CEP44: variants seen among roughly 807,000 people sequenced by gnomAD.
CEP44 encodes the protein centrosomal protein of 44 kDa.
CEP44 carries 45 observed loss-of-function variants against 46.7 expected under a neutral mutation model. The observed-to-expected ratio is 0.96, with a 90% CI of 0.76 to 1.24. The LOEUF (loss-of-function observed/expected upper bound fraction) is 1.24. CEP44 is among the 50% of genes most tolerant of loss of function. The probability of loss-of-function intolerance (pLI) is 0.00; values close to 1 mark genes in which losing one functional copy is unlikely to be tolerated. For missense variants in CEP44, 475 were observed against 459.7 expected (o/e 1.03, Z -0.30); for synonymous variants, 142 against 146.0 (o/e 0.97, Z 0.20).
chr4:174,308,751 A>G lies in CEP44; in HGVS notation c.570A>G (p.Thr190=), dbSNP rs774911680. 2.5e-6 allele frequency: 4 copies of G among 1,613,370 alleles called. No homozygotes were observed. Among genetic ancestry groups the G allele is most frequent in the Admixed American group, 3.3e-5 (2 of 59,968 alleles). The part of the protein sequence containing the change: ...NEDNVDISED[T]LSPITDVNEA... Reference sequence around the variant, plus strand: ...ATAATGTTGACATTTCTGAGGATACATTAAGTCCAATAACAGATGTTAATG... The same window carrying G: ...ATAATGTTGACATTTCTGAGGATACGTTAAGTCCAATAACAGATGTTAATG... The change falls in exon 7 of 12, where the codon ACA becomes ACG. Residue 190 remains threonine (T), a synonymous_variant. Transcript: ENST00000503780.
intron 1 of CEP44, among the ~76,000 whole-genome samples, chr4:174,289,836 CCTT>C (rs1175236977): frequency 6.7e-6 from 1 of 150,216 alleles, no homozygotes; most frequent in Non-Finnish European, 1.5e-5. Context: ...TTTATTGAGA[CCTT>C]TTTTTTTTTT....
At position 174,320,153 on chromosome 4, in the gene CEP44, T is replaced by C. The variant is rs1742182981; in HGVS notation, c.*2770T>C. On this transcript the variant is annotated 3_prime_UTR_variant, in exon 12 of 12. Transcript: ENST00000503780. ...GAAATACTATAAAGAATACATAAGG[T>C]AAAATACTAGTCAGAAAGGGTTCAG... The C allele has an allele frequency of 5.1e-6, 5 of 984,798 alleles. No homozygotes were observed. The Admixed American group carries it at 2.5e-4, about 49-fold the overall frequency. 61.0% of individuals were successfully genotyped at this position (984,798 alleles called of 1,614,324 possible).
At chr4:174,322,727 T>C (rs925038143), downstream of CEP44, among the ~76,000 whole-genome samples, 1 of 152,204 alleles carries the variant, frequency 6.6e-6, no homozygotes, top group African/African-American at 2.4e-5. Context: ...TCCCCCATAT[T>C]ATGATAGAAT....
At position 174,297,491 on chromosome 4, in the gene CEP44, C is replaced by G. The variant is rs1739178815; in HGVS notation, c.-147-475C>G. 6.6e-6 allele frequency among the ~76,000 whole-genome samples: 1 copy of G among 152,146 alleles called. No homozygotes were observed. The highest frequency in any genetic ancestry group is 1.5e-5 in the Non-Finnish European group (1 of 68,024). ...TTTGCTGCAGGTTTATTGGGCAAGA[C>G]CTGCCCTTTTCAATGGGGATTTTCC... On this transcript the variant is annotated intron_variant, in intron 1 of 11. Transcript: ENST00000503780. This position sits in a 1 kb window ranked among gnomAD's most constrained non-coding sequence, Gnocchi z 4.3.
intron 1 of CEP44, among the ~76,000 whole-genome samples, chr4:174,296,455 G>A (rs1268558631): frequency 6.6e-6 from 1 of 151,958 alleles, no homozygotes; most frequent in Non-Finnish European, 1.5e-5. Context: ...CCACTTTTGT[G>A]TCTTTTCATC....
rs1246989372 is a variant in CEP44 at position 174,326,728 on chromosome 4, A to G, written c.1087-4754A>G. 6.6e-6 allele frequency among the ~76,000 whole-genome samples: 1 copy of G among 151,816 alleles called. No homozygotes were observed. The highest frequency in any genetic ancestry group is 1.5e-5 in the Non-Finnish European group (1 of 67,900). Reference sequence around the variant, plus strand: ...CTGGAAAAGTCTTTATTTCACCTTCATTTTCAAATGAAGGATACAATTTTA... The same window carrying G: ...CTGGAAAAGTCTTTATTTCACCTTCGTTTTCAAATGAAGGATACAATTTTA... On this transcript the variant is annotated intron_variant, in intron 8 of 8. Coordinates refer to the CEP44 transcript ENST00000426172. The surrounding 1 kb of genome is among the most constrained non-coding windows in gnomAD (Gnocchi z 4.8).
intron 11 of CEP44, among the ~76,000 whole-genome samples, chr4:174,317,029 G>A (rs1741810671): frequency 6.6e-6 from 1 of 151,624 alleles, no homozygotes; most frequent in Non-Finnish European, 1.5e-5. Flanking sequence ...TTTCTAAAGA[G>A]CAGTTCAAAG....
chr4:174,323,623 C>G (rs1367514203), downstream of CEP44, among the ~76,000 whole-genome samples: 1 of 152,100 alleles, frequency 6.6e-6, no homozygotes, highest in Non-Finnish European at 1.5e-5. Flanking sequence ...AGGAGCAAGG[C>G]AGTCCAATGC....
chr4:174,319,146 C>T lies in CEP44; in HGVS notation c.*1763C>T. 1 of 984,852 alleles carries T rather than the reference C, an allele frequency of 1.0e-6. No homozygotes were observed. Among genetic ancestry groups the T allele is most frequent in the African/African-American group, 1.7e-5 (1 of 57,324 alleles). 61.0% of individuals were successfully genotyped at this position (984,852 alleles called of 1,614,324 possible). On this transcript the variant is annotated 3_prime_UTR_variant, in exon 12 of 12. Coordinates refer to ENST00000503780, the MANE Select transcript of CEP44 (RefSeq NM_001040157.3). ...TCTAATAAACAGTTGGTCATCAGAA[C>T]TTTAAAATGGTAGCCTACAGAAACA... is the stretch of plus-strand genomic sequence containing the variant.
At chr4:174,299,923 A>G (rs1739514540) in intron 3 of CEP44, among the ~76,000 whole-genome samples, 1 of 152,172 alleles carries the variant, frequency 6.6e-6, no homozygotes, top group African/African-American at 2.4e-5. Context: ...TTAACCTTTT[A>G]TCATTGATTA....
chr4:174,327,353 G>A (rs1210064766), intron 8 of CEP44, among the ~76,000 whole-genome samples: 2 of 151,698 alleles, frequency 1.3e-5, no homozygotes, highest in East Asian at 3.9e-4. Flanking sequence ...CTTCGTGTTA[G>A]GAAGACTCAA....
At position 174,319,930 on chromosome 4, in the gene CEP44, T is replaced by A; in HGVS notation, c.*2547T>A. On this transcript the variant is annotated 3_prime_UTR_variant, in exon 12 of 12. Coordinates refer to ENST00000503780, the MANE Select transcript of CEP44 (RefSeq NM_001040157.3). ...TATAAACTAGCCACTGTTGATTAAC[T>A]TGAGAAGGTGAAGCAGGGGAGTTCT... is the stretch of plus-strand genomic sequence containing the variant. 1 of 985,268 alleles carries A rather than the reference T, an allele frequency of 1.0e-6. No homozygotes were observed. Among genetic ancestry groups the A allele is most frequent in the Non-Finnish European group, 1.2e-6 (1 of 829,782 alleles). The allele number at this position is 985,268 out of a possible 1,614,324, so 61.0% of individuals were successfully genotyped here. A position where few individuals can be genotyped will look rare whatever the true frequency, so the allele number is the denominator to read the frequency against.
In CEP44 at chr4:174,309,906, AG is replaced by A. The variant is rs1235608931; in HGVS notation, c.736del (p.Glu246LysfsTer6). ...TACAAACTATGCTTGCTGAATGCCA[AG>A]AAAATCTTAAGAAACTGACTTCGAT... is the stretch of plus-strand genomic sequence containing the variant. Reference protein sequence around the residue: ...ALQTMLAECQENLKKLTSIEK... With the variant: ...ALQTMLAECQXNLKKLTSIEK... On this transcript the variant is annotated frameshift_variant, in exon 8 of 12. Transcript: ENST00000503780. LOFTEE classifies it high-confidence loss of function. The surrounding 1 kb of genome is among the most constrained non-coding windows in gnomAD (Gnocchi z 5.3). The A allele has an allele frequency of 1.2e-6, 2 of 1,612,570 alleles. No individual in the cohort carries two copies. The highest frequency in any genetic ancestry group is 3.3e-5 in the Admixed American group (2 of 59,800).
At chr4:174,322,713 C>T (rs1422957625), downstream of CEP44, among the ~76,000 whole-genome samples, 1 of 152,110 alleles carries the variant, frequency 6.6e-6, no homozygotes, top group African/African-American at 2.4e-5. Flanking sequence ...AAGATGTCCT[C>T]CCATCCCCCA....
chr4:174,320,215 A>G lies in CEP44; in HGVS notation c.*2832A>G. Reference sequence around the variant, plus strand: ...ATCAACTGTATGAAAATTCTAGGTAAAGCTAAGTACTATTGAGTTGGAAAA... The same window carrying G: ...ATCAACTGTATGAAAATTCTAGGTAGAGCTAAGTACTATTGAGTTGGAAAA... On this transcript the variant is annotated 3_prime_UTR_variant, in exon 12 of 12. Coordinates refer to ENST00000503780, the MANE Select transcript of CEP44 (RefSeq NM_001040157.3). The G allele has an allele frequency of 1.0e-6, 1 of 985,230 alleles. No homozygotes were observed. The highest frequency in any genetic ancestry group is 1.2e-6 in the Non-Finnish European group (1 of 829,840). 61.0% of individuals were successfully genotyped at this position (985,230 alleles called of 1,614,324 possible).
intron 8 of CEP44, among the ~76,000 whole-genome samples, chr4:174,327,442 C>A (rs1742754459): frequency 6.6e-6 from 1 of 151,296 alleles, no homozygotes. Context: ...CCCCCAGAGT[C>A]TAAGATTATA....
downstream of CEP44, among the ~76,000 whole-genome samples, chr4:174,322,724 T>C (rs548548660): frequency 1.3e-5 from 2 of 152,298 alleles, no homozygotes; most frequent in South Asian, 2.1e-4. Context: ...CCATCCCCCA[T>C]ATTATGATAG....
chr4:174,299,357 G>A, intron 3 of CEP44, 147 bp downstream of exon 3: 1 of 573,492 alleles, frequency 1.7e-6, no homozygotes, highest in East Asian at 3.0e-5. Flanking sequence ...TGAGAAAGCA[G>A]GGAATTATAG....
At chr4:174,284,799 T>C (rs952875028) in intron 1 of CEP44, among the ~76,000 whole-genome samples, 3 of 152,254 alleles carry the variant, frequency 2.0e-5, no homozygotes, top group African/African-American at 7.2e-5. Flanking sequence ...TTTCATAAAC[T>C]GTTTTTCTCA....
Sources: gnomAD v4.1 joint callset for allele counts (sites outside exome capture counted in the v4.1 genomes callset) on GRCh38, gnomAD v4.1.1 for gene constraint, Gnocchi (gnomAD v3.1) non-coding constraint, MANE v1.5 for transcripts, NCBI Gene and HGNC (gene_info 2026-07-23, HGNC 2026-07-21) for gene names.